Variants in CSRNP3 observed in about 807,000 individuals in gnomAD.
The protein encoded by CSRNP3 is cysteine/serine-rich nuclear protein 3.
In CSRNP3, 12 loss-of-function variants were observed where a neutral mutation model predicts 48.0. That is an observed-to-expected ratio of 0.25 (90% confidence interval 0.16 to 0.41). CSRNP3 has a LOEUF of 0.41. CSRNP3 is among the 10% of genes least tolerant of loss of function. The probability of loss-of-function intolerance (pLI) is 1.00; values close to 1 mark genes in which losing one functional copy is unlikely to be tolerated. For missense variants in CSRNP3, 580 were observed against 724.4 expected (o/e 0.80, Z 2.29); for synonymous variants, 263 against 269.7 (o/e 0.98, Z 0.24).
intron 1 of CSRNP3, among the ~76,000 whole-genome samples, chr2:165,478,264 A>G (rs1197519519): frequency 6.6e-6 from 1 of 152,196 alleles, no homozygotes; most frequent in Non-Finnish European, 1.5e-5. Context: ...ACATTTTACA[A>G]TTTTCAAACT....
chr2:165,593,566 C>T (rs769313319), intron 3 of CSRNP3, among the ~76,000 whole-genome samples: 6 of 152,072 alleles, frequency 3.9e-5, no homozygotes, highest in South Asian at 2.1e-4. Flanking sequence ...TGGCCCAGCT[C>T]GGGGAATCTG....
chr2:165,590,888 C>T (rs1245578056), intron 3 of CSRNP3, among the ~76,000 whole-genome samples: 2 of 151,436 alleles, frequency 1.3e-5, no homozygotes, highest in Admixed American at 1.3e-4. Context: ...TAGACTAATA[C>T]AGTAAATTGG....
At chr2:165,619,015 C>T (rs1180466186) in intron 4 of CSRNP3, among the ~76,000 whole-genome samples, 1 of 152,152 alleles carries the variant, frequency 6.6e-6, no homozygotes, top group Non-Finnish European at 1.5e-5. Flanking sequence ...GTTGATAGCA[C>T]TTTAAAGTCA....
Position 165,689,203 on chromosome 2 carries a change from T to C in CSRNP3, c.*9450T>C, listed in dbSNP as rs1687677463. 1.3e-5 allele frequency: 2 copies of C among 152,196 alleles called. No individual in the cohort carries two copies. The highest frequency in any genetic ancestry group is 4.8e-5 in the African/African-American group (2 of 41,460). The allele number at this position is 152,196 out of a possible 1,614,324, so 9.4% of individuals were successfully genotyped here. A position where few individuals can be genotyped will look rare whatever the true frequency, so the allele number is the denominator to read the frequency against. On this transcript the variant is annotated 3_prime_UTR_variant, in exon 7 of 7. Coordinates refer to ENST00000651982, the MANE Select transcript of CSRNP3 (RefSeq NM_001172173.2). ...TCTTCTGTATTTATATTTTCAGTAT[T>C]TATTATGAATGACATGGAAATTCGT...
intron 1 of CSRNP3, among the ~76,000 whole-genome samples, chr2:165,493,611 G>C (rs915689346): frequency 6.6e-6 from 1 of 152,052 alleles, no homozygotes; most frequent in African/African-American, 2.4e-5. Context: ...AGCATTGGCC[G>C]GAGTTAGAGG....
At chr2:165,635,526 A>T (rs1421061312) in intron 4 of CSRNP3, among the ~76,000 whole-genome samples, 5 of 152,226 alleles carry the variant, frequency 3.3e-5, no homozygotes, top group Admixed American at 3.3e-4. Context: ...CAAGTGAGAC[A>T]GAAACAGGAT....
chr2:165,574,528 T>G, intron 3 of CSRNP3: 1 of 752,868 alleles, frequency 1.3e-6, no homozygotes, highest in Non-Finnish European at 2.1e-6. Flanking sequence ...GGCAGGGTGT[T>G]CCTGGTTTTC....
intron 2 of CSRNP3, among the ~76,000 whole-genome samples, chr2:165,495,954 C>A (rs555095644): frequency 7.2e-4 from 110 of 151,892 alleles, no homozygotes; most frequent in South Asian, 6.6e-3. Context: ...ATGTAACAAA[C>A]CTGCATGTCG....
chr2:165,497,198 T>C (rs1294526045), intron 2 of CSRNP3, among the ~76,000 whole-genome samples: 1 of 152,060 alleles, frequency 6.6e-6, no homozygotes, highest in Non-Finnish European at 1.5e-5. Flanking sequence ...CACATACATA[T>C]CCACTGTGGT....
intron 3 of CSRNP3, among the ~76,000 whole-genome samples, chr2:165,577,471 AAGGCC>A (rs1685471258): frequency 6.6e-6 from 1 of 151,880 alleles, no homozygotes; most frequent in Non-Finnish European, 1.5e-5. Flanking sequence ...TATGACTATA[AAGGCC>A]AGTTCTTAAA....
chr2:165,623,634 C>T (rs1006290086), intron 4 of CSRNP3, among the ~76,000 whole-genome samples: 8 of 152,142 alleles, frequency 5.3e-5, no homozygotes, highest in Non-Finnish European at 1.0e-4. Flanking sequence ...ACGAATCCCC[C>T]ATGGATACTA....
At chr2:165,568,163 A>C (rs964713915) in intron 3 of CSRNP3, among the ~76,000 whole-genome samples, 3 of 151,610 alleles carry the variant, frequency 2.0e-5, no homozygotes, top group Non-Finnish European at 4.4e-5. Flanking sequence ...TTTTTCCCTG[A>C]TTCTTCATCA....
At position 165,559,892 on chromosome 2, in the gene CSRNP3, T is replaced by G. The variant is rs939100400; in HGVS notation, c.-23-35151T>G. ...TCGGCTCACTGCAAGCTCTGCCTCC[T>G]GGGTTCATGCCATTCTCCTGTCTCA... On this transcript the variant is annotated intron_variant, in intron 3 of 6. Transcript: ENST00000651982. Among the ~76,000 whole-genome samples, 7 of 143,368 alleles carry G rather than the reference T, an allele frequency of 4.9e-5. No individual in the cohort carries two copies. The East Asian group carries it at 1.6e-3, about 32-fold the overall frequency. The allele number at this position is 143,368 out of a possible 152,430, so 94.1% of individuals were successfully genotyped here.
intron 4 of CSRNP3, among the ~76,000 whole-genome samples, chr2:165,645,972 T>G (rs559132364): frequency 2.6e-4 from 40 of 152,274 alleles, no homozygotes; most frequent in South Asian, 2.1e-3. Context: ...CTCGAACTCC[T>G]GAACTCAAGT....
intron 4 of CSRNP3, among the ~76,000 whole-genome samples, chr2:165,654,339 A>G (rs7581495): frequency 0.036 from 5,465 of 152,288 alleles, 279 homozygotes; most frequent in African/African-American, 0.11. Context: ...TTAAGTCAAA[A>G]TTGAAAGTTT....
intron 3 of CSRNP3, among the ~76,000 whole-genome samples, chr2:165,523,813 C>T (rs1172944669): frequency 6.6e-6 from 1 of 152,082 alleles, no homozygotes; most frequent in African/African-American, 2.4e-5. Flanking sequence ...AACAACATGC[C>T]CACAAAAGTT....
Position 165,494,887 on chromosome 2 carries a change from A to C in CSRNP3, c.-154A>C, listed in dbSNP as rs1011288502. ...AGTTTTCAGCTGTGACAGTACTGAG[A>C]GTGTTGATAGTGTCAATCGTTCAGT... On this transcript the variant is annotated 5_prime_UTR_variant, in exon 2 of 7. Coordinates refer to ENST00000651982, the MANE Select transcript of CSRNP3 (RefSeq NM_001172173.2). 2 of 161,148 alleles carry C rather than the reference A, an allele frequency of 1.2e-5. No individual in the cohort carries two copies. Among genetic ancestry groups the C allele is most frequent in the African/African-American group, 2.4e-5 (1 of 41,730 alleles). The allele number at this position is 161,148 out of a possible 1,614,324, so 10.0% of individuals were successfully genotyped here.
intron 3 of CSRNP3, among the ~76,000 whole-genome samples, chr2:165,553,188 A>G (rs77009852): frequency 0.057 from 8,694 of 152,062 alleles, 606 homozygotes; most frequent in African/African-American, 0.17. Flanking sequence ...TCTACCTCCT[A>G]TCTTTCTAGC....
rs1558923487 is a variant in CSRNP3, at chr2:165,520,773, TATATATATATTATATATATATA to T, written c.-24+2813_-24+2834del. Reference sequence around the variant, plus strand: ...TAAATAGATATATAGAAATATATTATATATATATATTATATATATATATATATATATATATATATATATATAT... The same window carrying T: ...TAAATAGATATATAGAAATATATTATTATATATATATATATATATATATAT... On this transcript the variant is annotated intron_variant, in intron 3 of 6. Coordinates refer to ENST00000651982, the MANE Select transcript of CSRNP3 (RefSeq NM_001172173.2). 4.6e-3 allele frequency among the ~76,000 whole-genome samples: 267 copies of T among 58,482 alleles called. 6 individuals are homozygous for T. Among genetic ancestry groups the T allele is most frequent in the African/African-American group, 0.016 (244 of 14,970 alleles). 38.4% of individuals were successfully genotyped at this position (58,482 alleles called of 152,430 possible). A position where few individuals can be genotyped will look rare whatever the true frequency, so the allele number is the denominator to read the frequency against.
Sources: allele counts gnomAD v4.1 joint callset (sites outside exome capture counted in the v4.1 genomes callset), GRCh38; gene constraint gnomAD v4.1.1; transcripts MANE v1.5; gene names NCBI Gene and HGNC (gene_info 2026-07-23, HGNC 2026-07-21).